Variants in FBXW8 observed in about 807,000 individuals in gnomAD.
FBXW8 encodes the protein F-box and WD repeat domain containing 8.
FBXW8 carries 57 observed loss-of-function variants against 65.3 expected under a neutral mutation model. The ratio of observed to expected loss-of-function variants is 0.87; its 90% CI spans 0.71 to 1.09. The LOEUF (loss-of-function observed/expected upper bound fraction) is 1.09. FBXW8 is among the 50% of genes least tolerant of loss of function. The probability of loss-of-function intolerance (pLI) is 0.00; values close to 1 mark genes in which losing one functional copy is unlikely to be tolerated. For missense variants in FBXW8, 777 were observed against 814.8 expected (o/e 0.95, Z 0.57); for synonymous variants, 308 against 330.2 (o/e 0.93, Z 0.73).
intron 9 of FBXW8, 43 bp from the exon 10 acceptor site, chr12:117,027,351 C>A: frequency 6.7e-7 from 1 of 1,487,490 alleles, no homozygotes; most frequent in Non-Finnish European, 9.4e-7. Flanking sequence ...AAGTGCAGGC[C>A]CAGTGGACGC....
chr12:116,914,522 G>A (rs1031323958), intron 1 of FBXW8, among the ~76,000 whole-genome samples: 9 of 147,866 alleles, frequency 6.1e-5, no homozygotes, highest in African/African-American at 1.8e-4. Flanking sequence ...GCAGTGAGCC[G>A]GGATCACACC....
chr12:116,973,874 T>TA (rs1183327705), intron 5 of FBXW8, among the ~76,000 whole-genome samples: 2 of 152,248 alleles, frequency 1.3e-5, no homozygotes, highest in Non-Finnish European at 2.9e-5. Context: ...AATAAAAAGA[T>TA]AAAAAATAAC....
chr12:116,947,803 T>C (rs1239229754), intron 3 of FBXW8, among the ~76,000 whole-genome samples: 6 of 151,806 alleles, frequency 4.0e-5, no homozygotes, highest in Non-Finnish European at 5.9e-5. Flanking sequence ...GTTGCTTTAC[T>C]TTTGTCTGCC....
chr12:116,992,761 G>GGTGTGTGTGTGTGTGTGTGTGT (rs59119067), intron 7 of FBXW8, among the ~76,000 whole-genome samples: 3 of 143,646 alleles, frequency 2.1e-5, no homozygotes, highest in East Asian at 2.1e-4. Context: ...ATTATTCCAT[G>GGTGTGTGTGTGTGTGTGTGTGT]GTGTGTGTGT....
At chr12:116,921,600 G>A (rs551065011) in intron 1 of FBXW8, among the ~76,000 whole-genome samples, 1 of 152,034 alleles carries the variant, frequency 6.6e-6, no homozygotes, top group Non-Finnish European at 1.5e-5. Context: ...CTTGCTAACA[G>A]CACCTCCCTC....
chr12:116,944,663 T>C (rs1882813711), intron 2 of FBXW8, among the ~76,000 whole-genome samples: 1 of 152,202 alleles, frequency 6.6e-6, no homozygotes, highest in South Asian at 2.1e-4. Context: ...CACATGATCC[T>C]GTGATTAAGT....
chr12:116,967,471 C>G (rs970202865), intron 5 of FBXW8, among the ~76,000 whole-genome samples: 6 of 152,198 alleles, frequency 3.9e-5, no homozygotes, highest in Admixed American at 1.3e-4. Flanking sequence ...GCTTTGATAA[C>G]TATTGCCAAA....
chr12:116,962,350 G>A (rs1362360011), intron 4 of FBXW8, among the ~76,000 whole-genome samples: 1 of 152,178 alleles, frequency 6.6e-6, no homozygotes, highest in Non-Finnish European at 1.5e-5. Flanking sequence ...AGCAGCTAAA[G>A]TACCTTTTTC....
rs182030657 is a variant in FBXW8, at chr12:116,976,894, C to T, written c.836-8312C>T. Among the ~76,000 whole-genome samples the T allele has an allele frequency of 2.2e-4, 34 of 152,194 alleles. No individual in the cohort carries two copies. The East Asian group carries it at 6.6e-3, about 29-fold the overall frequency. Reference sequence around the variant, plus strand: ...CAGGCCTTGTTTTTCAAAATCATTTCAGGGGGTAATCAAAAAAGTCTGAAG... The same window carrying T: ...CAGGCCTTGTTTTTCAAAATCATTTTAGGGGGTAATCAAAAAAGTCTGAAG... On this transcript the variant is annotated intron_variant, in intron 5 of 10. Transcript: ENST00000652555.
chr12:116,931,981 C>A (rs1881803964), intron 2 of FBXW8, among the ~76,000 whole-genome samples: 1 of 152,080 alleles, frequency 6.6e-6, no homozygotes, highest in African/African-American at 2.4e-5. Context: ...TTGGTTTTGT[C>A]ACATGTGGCC....
rs1031624278 is a variant in FBXW8 at position 116,936,755 on chromosome 12, A to C, written c.424-8609A>C. 6.6e-6 allele frequency among the ~76,000 whole-genome samples: 1 copy of C among 152,216 alleles called. No homozygotes were observed. The highest frequency in any genetic ancestry group is 1.5e-5 in the Non-Finnish European group (1 of 68,044). ...TAAGTTTGTAGTAGTTTGTTAGCGC[A>C]GCCATAGGAGACTGATACGGGGATG... is the stretch of plus-strand genomic sequence containing the variant. On this transcript the variant is annotated intron_variant, in intron 2 of 10. Coordinates refer to ENST00000652555, the MANE Select transcript of FBXW8 (RefSeq NM_153348.3). The surrounding 1 kb of genome is among the most constrained non-coding windows in gnomAD (Gnocchi z 4.6).
intron 6 of FBXW8, among the ~76,000 whole-genome samples, chr12:116,988,020 A>G (rs960639367): frequency 5.3e-5 from 8 of 152,226 alleles, no homozygotes; most frequent in Non-Finnish European, 8.8e-5. Context: ...CGTTTTATAA[A>G]GAACGTTTTC....
chr12:116,976,004 A>C (rs1313953171), intron 5 of FBXW8, among the ~76,000 whole-genome samples: 1 of 152,268 alleles, frequency 6.6e-6, no homozygotes, highest in African/African-American at 2.4e-5. Flanking sequence ...GGCTTCCATC[A>C]TTCTGCTATG....
intron 8 of FBXW8, among the ~76,000 whole-genome samples, chr12:117,016,384 T>C (rs1400298349): frequency 6.6e-6 from 1 of 152,256 alleles, no homozygotes; most frequent in Non-Finnish European, 1.5e-5. Flanking sequence ...ATTAACATCC[T>C]TTCACGTGCT....
chr12:116,922,486 T>G (rs1452052108), intron 1 of FBXW8, among the ~76,000 whole-genome samples: 1 of 152,250 alleles, frequency 6.6e-6, no homozygotes, highest in Non-Finnish European at 1.5e-5. Flanking sequence ...TTTCATGTCC[T>G]CTTTGCCCTG....
chr12:117,000,043 G>A (rs938404508), intron 7 of FBXW8, among the ~76,000 whole-genome samples: 2 of 148,432 alleles, frequency 1.3e-5, no homozygotes, highest in Non-Finnish European at 3.0e-5. Context: ...GCGCAGTGGC[G>A]CGATCTCTGC....
At chr12:116,969,263 T>C (rs779574847) in intron 5 of FBXW8, among the ~76,000 whole-genome samples, 18 of 152,228 alleles carry the variant, frequency 1.2e-4, no homozygotes, top group Non-Finnish European at 2.4e-4. Flanking sequence ...GGGCTCTTCC[T>C]TTTTTAGAGC....
intron 4 of FBXW8, among the ~76,000 whole-genome samples, chr12:116,958,519 C>T (rs766313332): frequency 6.6e-6 from 1 of 152,206 alleles, no homozygotes; most frequent in Non-Finnish European, 1.5e-5. Flanking sequence ...TCATTCATTC[C>T]GTCAACACCC....
chr12:116,974,267 T>C lies in FBXW8; in HGVS notation c.835+9413T>C, dbSNP rs190178358. On this transcript the variant is annotated intron_variant, in intron 5 of 10. Transcript: ENST00000652555. Reference sequence around the variant, plus strand: ...TTGGCTGAGTCCTACTCTGCACATGTGTAAGAGGAAATACCTGGATCAGGG... The same window carrying C: ...TTGGCTGAGTCCTACTCTGCACATGCGTAAGAGGAAATACCTGGATCAGGG... Among the ~76,000 whole-genome samples the C allele has an allele frequency of 4.2e-3, 633 of 152,328 alleles. 5 individuals are homozygous for C. Among genetic ancestry groups the C allele is most frequent in the African/African-American group, 0.015 (616 of 41,574 alleles).
Sources: gnomAD v4.1 joint callset for allele counts (sites outside exome capture counted in the v4.1 genomes callset) on GRCh38, gnomAD v4.1.1 for gene constraint, Gnocchi (gnomAD v3.1) non-coding constraint, MANE v1.5 for transcripts, NCBI Gene and HGNC (gene_info 2026-07-23, HGNC 2026-07-21) for gene names.